The following RGS6 variants were observed in gnomAD, a reference collection of about 807,000 sequenced individuals.
The protein encoded by RGS6 is regulator of G-protein signaling 6.
A neutral mutation model predicts 78.5 loss-of-function variants in RGS6; 30 were observed. That is an observed-to-expected ratio of 0.38 (90% CI 0.29 to 0.52). The LOEUF is 0.52. Among genes scored for constraint, RGS6 ranks in the 20% least tolerant of loss-of-function variants. The pLI, the probability that RGS6 is intolerant of heterozygous loss-of-function variation, is 0.85. For synonymous variants in RGS6, 206 were observed against 206.0 expected (o/e 1.00, Z 0.00); for missense variants, 495 against 609.7 (o/e 0.81, Z 1.98).
chr14:72,235,649 C>T (rs1260267105), intron 2 of RGS6, among the ~76,000 whole-genome samples: 2 of 152,214 alleles, frequency 1.3e-5, no homozygotes, highest in Non-Finnish European at 2.9e-5. Flanking sequence ...AAATAAGTTG[C>T]TCAATGGTTG....
chr14:71,974,709 A>G (rs1238182891), intron 2 of RGS6, among the ~76,000 whole-genome samples: 1 of 152,140 alleles, frequency 6.6e-6, no homozygotes, highest in East Asian at 1.9e-4. Flanking sequence ...TATGATGGTT[A>G]TGTAGGTTTA....
chr14:72,406,866 A>T (rs146127589), intron 3 of RGS6, among the ~76,000 whole-genome samples: 1 of 152,292 alleles, frequency 6.6e-6, no homozygotes, highest in African/African-American at 2.4e-5. Flanking sequence ...AATGAAGGGT[A>T]GGCATGGCTG....
At chr14:72,180,563 A>G (rs1435094231) in intron 2 of RGS6, among the ~76,000 whole-genome samples, 3 of 152,232 alleles carry the variant, frequency 2.0e-5, no homozygotes, top group African/African-American at 7.2e-5. Context: ...CTCCATATCT[A>G]TTTAATTGAG....
intron 2 of RGS6, among the ~76,000 whole-genome samples, chr14:72,069,214 C>T (rs1273765418): frequency 2.0e-5 from 3 of 151,438 alleles, no homozygotes; most frequent in Non-Finnish European, 4.4e-5. Flanking sequence ...ATCAAATGAT[C>T]CACCTGCCTC....
chr14:71,982,774 A>G (rs10483837), intron 2 of RGS6, among the ~76,000 whole-genome samples: 23,275 of 152,112 alleles, frequency 0.15, 2,176 homozygotes, highest in Non-Finnish European at 0.2. Context: ...GGCCTCACAA[A>G]CTCTTACTGT....
At chr14:71,880,169 C>A in the RGS6 span, among the ~76,000 whole-genome samples, 1 of 152,194 alleles carries the variant, frequency 6.6e-6, no homozygotes, top group South Asian at 2.1e-4. Context: ...GGGTATCTGG[C>A]AGCAGAAATT....
chr14:72,540,871 C>T (rs905299404), intron 17 of RGS6: 8 of 985,298 alleles, frequency 8.1e-6, no homozygotes, highest in Non-Finnish European at 9.6e-6. Flanking sequence ...GAGCTCCCCA[C>T]AGTGGCACAT....
the RGS6 span, among the ~76,000 whole-genome samples, chr14:71,887,686 A>G: frequency 0.21 from 31,182 of 151,856 alleles, 5,324 homozygotes; most frequent in African/African-American, 0.46. Context: ...CTCTGCTCTC[A>G]AACCCTGTTT....
At chr14:72,539,955 AGCT>A in intron 16 of RGS6, 83 bp from the exon 17 acceptor site, 1 of 1,176,176 alleles carries the variant, frequency 8.5e-7, no homozygotes, top group Non-Finnish European at 1.2e-6. Context: ...CTTTAGCTGC[AGCT>A]GCTGCTGTTT....
chr14:71,940,343 C>G (rs2090320799), intron 1 of RGS6, among the ~76,000 whole-genome samples: 1 of 152,160 alleles, frequency 6.6e-6, no homozygotes, highest in Non-Finnish European at 1.5e-5. Context: ...CCAGCCTCCC[C>G]TTTGTCCAAA....
intron 2 of RGS6, among the ~76,000 whole-genome samples, chr14:72,286,636 A>G (rs778490245): frequency 4.6e-5 from 7 of 152,278 alleles, no homozygotes; most frequent in Middle Eastern, 3.4e-3. Context: ...CTTCTAGTCC[A>G]CAAACACAGG....
intron 2 of RGS6, among the ~76,000 whole-genome samples, chr14:72,042,380 C>T (rs781424153): frequency 1.3e-4 from 20 of 152,056 alleles, no homozygotes; most frequent in African/African-American, 4.1e-4. Context: ...CCTCCTGCTT[C>T]GGCCTCACAA....
intron 2 of RGS6, among the ~76,000 whole-genome samples, chr14:72,344,415 G>T (rs1379146022): frequency 6.6e-6 from 1 of 152,142 alleles, no homozygotes; most frequent in East Asian, 1.9e-4. Context: ...GAACATTGTT[G>T]CTAAGGTTCA....
chr14:72,287,298 C>A (rs868512474), intron 2 of RGS6, among the ~76,000 whole-genome samples: 1 of 152,074 alleles, frequency 6.6e-6, no homozygotes, highest in Non-Finnish European at 1.5e-5. Context: ...GTTTGGATTT[C>A]TTTTTCTTGC....
At chr14:72,548,527 A>G (rs1317905393) in intron 17 of RGS6, among the ~76,000 whole-genome samples, 1 of 152,250 alleles carries the variant, frequency 6.6e-6, no homozygotes, top group Non-Finnish European at 1.5e-5. Context: ...TTTAGGCTAT[A>G]TAACAAAAGT....
At chr14:72,216,698 T>C (rs569319532) in intron 2 of RGS6, among the ~76,000 whole-genome samples, 1 of 152,262 alleles carries the variant, frequency 6.6e-6, no homozygotes, top group South Asian at 2.1e-4. Flanking sequence ...ATAATGAACC[T>C]GTAGAAATAA....
chr14:72,346,835 C>T (rs2681738), intron 2 of RGS6, among the ~76,000 whole-genome samples: 52,127 of 152,088 alleles, frequency 0.34, 9,424 homozygotes, highest in African/African-American at 0.45. Context: ...GATTGCTTCT[C>T]CTCACTCCTC....
At chr14:72,367,010 T>G (rs968733041) in intron 3 of RGS6, among the ~76,000 whole-genome samples, 1 of 152,200 alleles carries the variant, frequency 6.6e-6, no homozygotes, top group Non-Finnish European at 1.5e-5. Flanking sequence ...ATAAGATGCA[T>G]CTAGTCTCAC....
intron 2 of RGS6, among the ~76,000 whole-genome samples, chr14:72,350,932 T>TATG (rs1025711724): frequency 3.9e-5 from 6 of 152,124 alleles, no homozygotes; most frequent in Non-Finnish European, 5.9e-5. Context: ...TTTAGCTATT[T>TATG]ATGATGATGA....
Sources: allele counts gnomAD v4.1 joint callset (sites outside exome capture counted in the v4.1 genomes callset), GRCh38; gene constraint gnomAD v4.1.1; transcripts MANE v1.5; gene names NCBI Gene and HGNC (gene_info 2026-07-23, HGNC 2026-07-21).